Variants in SPON1 observed in about 807,000 individuals in gnomAD.
SPON1 encodes spondin-1.
In SPON1, 52 loss-of-function variants were observed where a neutral mutation model predicts 111.7. That is an observed-to-expected ratio of 0.47 (90% CI 0.37 to 0.59). The LOEUF is 0.59. Among genes scored for constraint, SPON1 ranks in the 20% least tolerant of loss-of-function variants. The pLI, the probability that SPON1 is intolerant of heterozygous loss-of-function variation, is 0.00. For synonymous variants in SPON1, 410 were observed against 395.8 expected (o/e 1.04, Z -0.43); for missense variants, 957 against 1,068.5 (o/e 0.90, Z 1.46).
intron 2 of SPON1, among the ~76,000 whole-genome samples, chr11:14,038,587 A>G (rs1848611168): frequency 6.6e-6 from 1 of 152,242 alleles, no homozygotes; most frequent in Admixed American, 6.5e-5. Context: ...GATGGCAAGT[A>G]AGCAAATAAA....
rs1469169254 is a variant in SPON1 at position 14,259,005 on chromosome 11, G to C, written c.1493-275G>C. 6.6e-6 allele frequency among the ~76,000 whole-genome samples: 1 copy of C among 152,170 alleles called. No individual in the cohort carries two copies. Among genetic ancestry groups the C allele is most frequent in the Non-Finnish European group, 1.5e-5 (1 of 68,030 alleles). ...ATTATATCTTATCTTAGATATATGC[G>C]TGTACATTTTTTAAACACCATCCTT... is the stretch of plus-strand genomic sequence containing the variant. On this transcript the variant is annotated intron_variant, in intron 11 of 15. Transcript: ENST00000576479. This position sits in a 1 kb window ranked among gnomAD's most constrained non-coding sequence, Gnocchi z 5.0.
intron 2 of SPON1, among the ~76,000 whole-genome samples, chr11:14,008,218 T>C (rs12275467): frequency 0.025 from 3,804 of 152,286 alleles, 152 homozygotes; most frequent in African/African-American, 0.086. Flanking sequence ...AATCTGGAGA[T>C]GCTTTAAAGT....
chr11:14,045,346 G>C (rs554977227), intron 3 of SPON1, among the ~76,000 whole-genome samples: 1 of 152,096 alleles, frequency 6.6e-6, no homozygotes, highest in African/African-American at 2.4e-5. Flanking sequence ...GAGCCGAGAG[G>C]GGGGCAGATC....
At chr11:14,169,147 G>C (rs371600194) in intron 6 of SPON1, among the ~76,000 whole-genome samples, 3 of 151,988 alleles carry the variant, frequency 2.0e-5, no homozygotes, top group Non-Finnish European at 4.4e-5. Context: ...ATTTCTCCAC[G>C]TCCTCTCCAG....
At chr11:13,988,377 T>A (rs1008862554) in intron 2 of SPON1, among the ~76,000 whole-genome samples, 6 of 152,244 alleles carry the variant, frequency 3.9e-5, no homozygotes, top group Non-Finnish European at 8.8e-5. Context: ...CGTATAGGAA[T>A]GCTTGTGATT....
At chr11:14,219,168 G>T (rs2133905745) in intron 6 of SPON1, among the ~76,000 whole-genome samples, 1 of 152,282 alleles carries the variant, frequency 6.6e-6, no homozygotes, top group South Asian at 2.1e-4. Flanking sequence ...AGAAGAACCA[G>T]AATGAATATA....
At chr11:14,108,438 G>T (rs571524007) in intron 5 of SPON1, among the ~76,000 whole-genome samples, 11 of 152,136 alleles carry the variant, frequency 7.2e-5, no homozygotes, top group Non-Finnish European at 1.6e-4. Context: ...ATGAGAGTTT[G>T]CTGAGATTCC....
intron 2 of SPON1, among the ~76,000 whole-genome samples, chr11:14,041,270 C>CA (rs1240321216): frequency 6.6e-6 from 1 of 152,158 alleles, no homozygotes; most frequent in African/African-American, 2.4e-5. Context: ...GTTAATTCCT[C>CA]AAAGTGCTGA....
intron 6 of SPON1, among the ~76,000 whole-genome samples, chr11:14,178,409 G>A (rs572246959): frequency 1.4e-5 from 2 of 138,850 alleles, no homozygotes; most frequent in Non-Finnish European, 3.1e-5. Context: ...GGAACAAAGC[G>A]AGACTCCGTC....
At chr11:13,977,968 A>C (rs1233134703) in intron 1 of SPON1, among the ~76,000 whole-genome samples, 1 of 152,164 alleles carries the variant, frequency 6.6e-6, no homozygotes, top group Non-Finnish European at 1.5e-5. Context: ...TTGGTGTGAA[A>C]GTAATTGTGG....
At chr11:14,183,984 A>C (rs1848261599) in intron 6 of SPON1, among the ~76,000 whole-genome samples, 1 of 152,226 alleles carries the variant, frequency 6.6e-6, no homozygotes, top group Non-Finnish European at 1.5e-5. Flanking sequence ...ACATATGTTG[A>C]TGAAAAGCAA....
intron 2 of SPON1, among the ~76,000 whole-genome samples, chr11:14,037,575 A>AT (rs1848604022): frequency 6.6e-6 from 1 of 152,198 alleles, no homozygotes; most frequent in Non-Finnish European, 1.5e-5. Context: ...CCTCACAAAA[A>AT]TTAACTCAAA....
At chr11:14,051,639 AG>A (rs1185472540) in intron 3 of SPON1, among the ~76,000 whole-genome samples, 5 of 152,122 alleles carry the variant, frequency 3.3e-5, no homozygotes, top group Admixed American at 2.6e-4. Flanking sequence ...GGGCCTTTAC[AG>A]GGCACTGAAT....
At position 14,169,322 on chromosome 11, in the gene SPON1, A is replaced by G. The variant is rs551142493; in HGVS notation, c.825+33754A>G. On this transcript the variant is annotated intron_variant, in intron 6 of 15. Coordinates refer to ENST00000576479, the MANE Select transcript of SPON1 (RefSeq NM_006108.4). The stretch of plus-strand genomic sequence containing the variant: ...CTTCTTTTGAGAAGTGTCTGTTCAT[A>G]TCCTTCACCCACTTTTTGATGGGGT... 1.1e-4 allele frequency among the ~76,000 whole-genome samples: 17 copies of G among 150,852 alleles called. 1 individual carries two copies. In the South Asian group the frequency reaches 1.7e-3, roughly 15 times the overall value.
chr11:14,241,883 CTG>C (rs1554939710), intron 6 of SPON1, among the ~76,000 whole-genome samples: 1 of 152,116 alleles, frequency 6.6e-6, no homozygotes, highest in African/African-American at 2.4e-5. Context: ...GTTGGGGTGT[CTG>C]TGCATCCCAA....
At chr11:14,037,862 C>CA (rs71041564) in intron 2 of SPON1, among the ~76,000 whole-genome samples, 45,814 of 152,072 alleles carry the variant, frequency 0.3, 7,969 homozygotes, top group South Asian at 0.51. Flanking sequence ...CCAAAATATG[C>CA]AAAAAACTCT....
chr11:14,119,569 AT>A (rs1301860985), intron 5 of SPON1, among the ~76,000 whole-genome samples: 1 of 152,178 alleles, frequency 6.6e-6, no homozygotes, highest in Non-Finnish European at 1.5e-5. Context: ...CACTGATAGC[AT>A]TAGCAAGTGC....
chr11:14,083,844 T>G (rs1848983182), intron 5 of SPON1, among the ~76,000 whole-genome samples: 1 of 152,184 alleles, frequency 6.6e-6, no homozygotes, highest in Non-Finnish European at 1.5e-5. Context: ...GATCACTTTA[T>G]TTTTTAGAAA....
chr11:14,260,292 C>G (rs556930992), intron 13 of SPON1, among the ~76,000 whole-genome samples: 1 of 152,244 alleles, frequency 6.6e-6, no homozygotes, highest in East Asian at 1.9e-4. Context: ...CTAGGAAGAC[C>G]CTGCTAAGAT....
Sources: gnomAD v4.1 joint callset for allele counts (sites outside exome capture counted in the v4.1 genomes callset) on GRCh38, gnomAD v4.1.1 for gene constraint, Gnocchi (gnomAD v3.1) non-coding constraint, MANE v1.5 for transcripts, NCBI Gene and HGNC (gene_info 2026-07-23, HGNC 2026-07-21) for gene names.